GALNT9: variants seen among roughly 807,000 people sequenced by gnomAD.
GALNT9 encodes polypeptide N-acetylgalactosaminyltransferase 9.
In GALNT9, 47 loss-of-function variants were observed where a neutral mutation model predicts 63.1. That is an observed-to-expected ratio of 0.75 (90% CI 0.59 to 0.95). GALNT9 has a LOEUF of 0.95. GALNT9 is among the 40% of genes least tolerant of loss of function. The pLI is 0.00. For missense variants in GALNT9, 829 were observed against 874.8 expected (o/e 0.95, Z 0.66); for synonymous variants, 396 against 365.7 (o/e 1.08, Z -0.94).
intron 2 of GALNT9, among the ~76,000 whole-genome samples, chr12:132,271,021 A>C (rs1566007397): frequency 6.6e-6 from 1 of 152,014 alleles, no homozygotes; most frequent in African/African-American, 2.4e-5. Context: ...GTCCTTAAAA[A>C]TCAAGCAGAG....
intron 2 of GALNT9, among the ~76,000 whole-genome samples, 188 bp from the exon 3 acceptor site, chr12:132,262,813 C>G (rs148554059): frequency 6.6e-6 from 1 of 152,074 alleles, no homozygotes; most frequent in African/African-American, 2.4e-5. Flanking sequence ...GTGGTCAGGG[C>G]GCAGCATGAG....
chr12:132,212,279 C>T (rs1281550830), intron 6 of GALNT9, among the ~76,000 whole-genome samples: 11 of 30,434 alleles, frequency 3.6e-4, no homozygotes, highest in African/African-American at 5.2e-4. Flanking sequence ...CCTCAGACCT[C>T]GACACGGAAA....
intron 1 of GALNT9, among the ~76,000 whole-genome samples, chr12:132,324,805 G>C (rs1211241375): frequency 1.3e-5 from 2 of 151,950 alleles, no homozygotes; most frequent in Admixed American, 6.5e-5. Flanking sequence ...CATGGTGCCC[G>C]GACTCCTGGC....
At chr12:132,257,363 C>T (rs1365860335) in intron 5 of GALNT9, among the ~76,000 whole-genome samples, 6 of 151,682 alleles carry the variant, frequency 4.0e-5, no homozygotes, top group African/African-American at 9.7e-5. Context: ...CCCCAGCACC[C>T]GGCCCGACAC....
chr12:132,284,721 C>A (rs1880520557), intron 2 of GALNT9: 1 of 152,314 alleles, frequency 6.6e-6, no homozygotes, highest in Admixed American at 6.5e-5. Flanking sequence ...GCTGGGCACG[C>A]CTCACTCGCA....
At chr12:132,248,982 G>C (rs1381263544) in intron 5 of GALNT9, among the ~76,000 whole-genome samples, 1 of 152,234 alleles carries the variant, frequency 6.6e-6, no homozygotes, top group Non-Finnish European at 1.5e-5. Flanking sequence ...GGATAAGCTG[G>C]TGTGCCATTG....
At chr12:132,247,557 C>T (rs548224917) in intron 6 of GALNT9, 3 of 493,068 alleles carry the variant, frequency 6.1e-6, no homozygotes, top group South Asian at 4.6e-5. Context: ...CTGGACCTCA[C>T]CCTGTCCCTA....
chr12:132,278,170 T>C (rs987483386), intron 2 of GALNT9: 1 of 151,998 alleles, frequency 6.6e-6, no homozygotes, highest in Admixed American at 6.5e-5. Context: ...GTTAAAGCCG[T>C]CCAGGGCTTC....
intron 1 of GALNT9, among the ~76,000 whole-genome samples, chr12:132,314,796 C>T (rs1868423436): frequency 6.6e-6 from 1 of 152,212 alleles, no homozygotes; most frequent in South Asian, 2.1e-4. Flanking sequence ...CCCGATGCCC[C>T]CTCCAATTTC....
intron 3 of GALNT9, 114 bp downstream of exon 3, chr12:132,262,345 C>T: frequency 7.3e-7 from 1 of 1,362,548 alleles, no homozygotes; most frequent in Non-Finnish European, 9.7e-7. Flanking sequence ...CCCCTGCGGA[C>T]AGATGGGGTG....
Position 132,213,949 on chromosome 12 carries a change from C to T in GALNT9, c.1078-10259G>A, listed in dbSNP as rs144035427. On this transcript the variant is annotated intron_variant, in intron 6 of 10. Transcript: ENST00000328957. ...CAGGCCCAACCCCACCCCCTATGTC[C>T]GCACACCCTCCCTGCAGCATGAGTC... 4.8e-3 allele frequency among the ~76,000 whole-genome samples: 733 copies of T among 152,314 alleles called. 8 individuals are homozygous for T. Among genetic ancestry groups the T allele is most frequent in the African/African-American group, 0.016 (682 of 41,556 alleles).
rs1425134506 is a variant in GALNT9 at position 132,327,301 on chromosome 12, G to C, written c.238+1665C>G. ...CAGTGGGGGCGGTGGGCGGTGGGGG[G>C]AGACACACTTTCCCGGAATGCTTCC... On this transcript the variant is annotated intron_variant, in intron 1 of 10. Transcript: ENST00000328957. The surrounding 1 kb of genome is among the most constrained non-coding windows in gnomAD (Gnocchi z 4.3). 6.6e-6 allele frequency among the ~76,000 whole-genome samples: 1 copy of C among 151,568 alleles called. No individual in the cohort carries two copies. Among genetic ancestry groups the C allele is most frequent in the Non-Finnish European group, 1.5e-5 (1 of 67,850 alleles).
intron 1 of GALNT9, among the ~76,000 whole-genome samples, chr12:132,306,345 C>T (rs1157140530): frequency 1.3e-5 from 2 of 152,194 alleles, no homozygotes; most frequent in African/African-American, 4.8e-5. Flanking sequence ...AGCTGCTGTC[C>T]GGGATGGCGA....
intron 1 of GALNT9, among the ~76,000 whole-genome samples, chr12:132,326,408 C>G (rs1261960841): frequency 6.6e-6 from 1 of 152,202 alleles, no homozygotes; most frequent in Non-Finnish European, 1.5e-5. Context: ...TAATGAACAT[C>G]CCTCTGGGGC....
At chr12:132,253,136 T>C (rs547776121) in intron 5 of GALNT9, among the ~76,000 whole-genome samples, 1 of 152,336 alleles carries the variant, frequency 6.6e-6, no homozygotes, top group Admixed American at 6.5e-5. Context: ...AGACTTCCAC[T>C]ATTTCTTCTT....
intron 6 of GALNT9, among the ~76,000 whole-genome samples, chr12:132,231,048 A>G: frequency 7.5e-6 from 1 of 133,942 alleles, no homozygotes; most frequent in Non-Finnish European, 1.6e-5. Flanking sequence ...GACAGAGGAG[A>G]CAGCGTGGAG....
In GALNT9 at chr12:132,296,133, A is replaced by G. The variant is rs1341208902; in HGVS notation, c.239-9703T>C. Among the ~76,000 whole-genome samples, 1 of 146,846 alleles carries G rather than the reference A, an allele frequency of 6.8e-6. No homozygotes were observed. ...ACAGGGAGAGCCTCTGAACAGGGAG[A>G]GCCTCTGAACAGGGACGGCCTCCGA... On this transcript the variant is annotated intron_variant, in intron 1 of 10. Transcript: ENST00000328957. The surrounding 1 kb of genome is among the most constrained non-coding windows in gnomAD (Gnocchi z 4.2).
At chr12:132,258,948 G>A (rs572561084) in intron 4 of GALNT9, among the ~76,000 whole-genome samples, 2 of 151,902 alleles carry the variant, frequency 1.3e-5, no homozygotes, top group African/African-American at 4.8e-5. Flanking sequence ...GCAGATTCGG[G>A]TCGGCTCAGG....
At chr12:132,213,601 ACT>A (rs1491076689) in intron 6 of GALNT9, among the ~76,000 whole-genome samples, 5 of 151,886 alleles carry the variant, frequency 3.3e-5, no homozygotes, top group African/African-American at 1.2e-4. Flanking sequence ...ACACACACAC[ACT>A]CACACACATG....
Sources: allele counts gnomAD v4.1 joint callset (sites outside exome capture counted in the v4.1 genomes callset), GRCh38; gene constraint gnomAD v4.1.1; non-coding constraint Gnocchi (gnomAD v3.1); transcripts MANE v1.5; gene names NCBI Gene and HGNC (gene_info 2026-07-23, HGNC 2026-07-21).